The following INPP4B variants were observed in gnomAD, a reference collection of about 807,000 sequenced individuals.
INPP4B encodes the protein inositol polyphosphate 4-phosphatase type II.
Under a neutral mutation model 122.5 loss-of-function variants are expected in INPP4B, and 55 were observed. That is an observed-to-expected ratio of 0.45 (90% CI 0.36 to 0.56). The LOEUF (loss-of-function observed/expected upper bound fraction) is 0.56. Among genes scored for constraint, INPP4B ranks in the 20% least tolerant of loss-of-function variants. INPP4B has a pLI of 0.00. For missense variants in INPP4B, 1,000 were observed against 1,097.7 expected (o/e 0.91, Z 1.26); for synonymous variants, 403 against 388.7 (o/e 1.04, Z -0.43).
intron 2 of INPP4B, among the ~76,000 whole-genome samples, chr4:142,587,273 C>T (rs1354032950): frequency 1.3e-5 from 2 of 151,944 alleles, no homozygotes; most frequent in Admixed American, 1.3e-4. Flanking sequence ...TTTTATATCA[C>T]TGGTTTCCAT....
At chr4:142,594,458 G>A (rs1738226413) in intron 2 of INPP4B, among the ~76,000 whole-genome samples, 1 of 152,030 alleles carries the variant, frequency 6.6e-6, no homozygotes, top group Non-Finnish European at 1.5e-5. Flanking sequence ...TGGATATTAT[G>A]GTCAATTCCA....
intron 1 of INPP4B, among the ~76,000 whole-genome samples, chr4:142,806,549 C>T (rs1318510977): frequency 1.3e-5 from 2 of 151,308 alleles, no homozygotes; most frequent in African/African-American, 2.4e-5. Context: ...CAAGAGCAGC[C>T]GGGGACAAGT....
At chr4:142,331,147 T>C (rs1266741844) in intron 7 of INPP4B, among the ~76,000 whole-genome samples, 1 of 151,784 alleles carries the variant, frequency 6.6e-6, no homozygotes, top group Middle Eastern at 3.2e-3. Context: ...TTAAGAAGAG[T>C]GGTGTGCAGA....
chr4:142,606,111 G>T (rs1560856866), intron 2 of INPP4B, among the ~76,000 whole-genome samples: 1 of 151,918 alleles, frequency 6.6e-6, no homozygotes, highest in African/African-American at 2.4e-5. Flanking sequence ...GGATGGAACT[G>T]GAAGTCATTA....
chr4:142,436,694 C>T (rs935264306), intron 3 of INPP4B, among the ~76,000 whole-genome samples: 2 of 151,742 alleles, frequency 1.3e-5, no homozygotes, highest in Non-Finnish European at 2.9e-5. Context: ...GAAAAACAAA[C>T]AAATAAAGCA....
intron 12 of INPP4B, among the ~76,000 whole-genome samples, chr4:142,211,791 T>A (rs1304795427): frequency 6.6e-6 from 1 of 152,212 alleles, no homozygotes; most frequent in Non-Finnish European, 1.5e-5. Flanking sequence ...TGCCCCTTTG[T>A]GTAGCCACTG....
intron 9 of INPP4B, among the ~76,000 whole-genome samples, chr4:142,301,942 G>T (rs1761601432): frequency 6.6e-6 from 1 of 151,956 alleles, no homozygotes; most frequent in South Asian, 2.1e-4. Context: ...TCCACAGAGA[G>T]AATCAACTTT....
intron 1 of INPP4B, among the ~76,000 whole-genome samples, chr4:142,818,451 T>G (rs1780396428): frequency 6.6e-6 from 1 of 152,058 alleles, no homozygotes; most frequent in Non-Finnish European, 1.5e-5. Context: ...CGTGTGTGTG[T>G]GTGTGTGTGT....
At chr4:142,343,405 A>C (rs1477090502) in intron 7 of INPP4B, among the ~76,000 whole-genome samples, 1 of 151,994 alleles carries the variant, frequency 6.6e-6, no homozygotes, top group Non-Finnish European at 1.5e-5. Flanking sequence ...GAGTAGATAG[A>C]TATAGGGCAT....
chr4:142,554,199 A>AAAG (rs1728622391), intron 2 of INPP4B, among the ~76,000 whole-genome samples: 1 of 145,674 alleles, frequency 6.9e-6, no homozygotes, highest in Non-Finnish European at 1.5e-5. Context: ...AAAAAAAAAA[A>AAAG]AAAAAAGAAA....
intron 1 of INPP4B, among the ~76,000 whole-genome samples, chr4:142,784,364 AAAATAAAT>A (rs3080884): frequency 0.031 from 4,326 of 137,752 alleles, 84 homozygotes; most frequent in Non-Finnish European, 0.037. Context: ...CTCTGTCTCA[AAAATAAAT>A]AAATAAATAA....
chr4:142,814,858 TC>T (rs1224507038), intron 1 of INPP4B, among the ~76,000 whole-genome samples: 1 of 152,032 alleles, frequency 6.6e-6, no homozygotes, highest in East Asian at 1.9e-4. Context: ...GAGCATAAGT[TC>T]CCCCATTCCC....
At chr4:142,097,010 C>T (rs990551274) in intron 23 of INPP4B, among the ~76,000 whole-genome samples, 8 of 151,944 alleles carry the variant, frequency 5.3e-5, no homozygotes, top group African/African-American at 1.9e-4. Context: ...TCCTGGGGAA[C>T]ACTTATTTAA....
At chr4:142,132,653 C>T (rs1317664366) in intron 18 of INPP4B, among the ~76,000 whole-genome samples, 1 of 152,160 alleles carries the variant, frequency 6.6e-6, no homozygotes, top group Admixed American at 6.5e-5. Flanking sequence ...TGTTGGTACA[C>T]CAGATCTCAT....
At chr4:142,356,324 A>G (rs1783600772) in intron 7 of INPP4B, among the ~76,000 whole-genome samples, 1 of 150,666 alleles carries the variant, frequency 6.6e-6, no homozygotes, top group African/African-American at 2.4e-5. Context: ...CTGTGTAAGA[A>G]TGAGAATGTA....
In INPP4B at chr4:142,774,936, A is replaced by G. The variant is rs941744249; in HGVS notation, c.-253-49035T>C. Among the ~76,000 whole-genome samples the G allele has an allele frequency of 7.2e-5, 11 of 152,074 alleles. 1 individual carries two copies. Among genetic ancestry groups the G allele is most frequent in the African/African-American group, 2.7e-4 (11 of 41,376 alleles). ...AGTTTTTAATGTCCAGATTTCATCT[A>G]GCTATTTCATTAGGCTCCTCTTTAC... On this transcript the variant is annotated intron_variant, in intron 1 of 25. Transcript: ENST00000262992.
At chr4:142,318,499 T>C (rs1768704913) in intron 7 of INPP4B, among the ~76,000 whole-genome samples, 1 of 152,190 alleles carries the variant, frequency 6.6e-6, no homozygotes, top group Admixed American at 6.5e-5. Context: ...ATTTTCCCTT[T>C]TTTGGTCTTA....
chr4:142,804,284 G>T (rs1436588552), intron 1 of INPP4B, among the ~76,000 whole-genome samples: 39 of 151,990 alleles, frequency 2.6e-4, no homozygotes, highest in Admixed American at 2.6e-3. Context: ...TGGTAATACC[G>T]AAATTCTTAC....
At chr4:142,384,190 A>T in intron 7 of INPP4B, 1 of 698,922 alleles carries the variant, frequency 1.4e-6, no homozygotes. Flanking sequence ...ATTCCAGTAC[A>T]TGTGGGTTAA....
Sources: gnomAD v4.1 joint callset for allele counts (sites outside exome capture counted in the v4.1 genomes callset) on GRCh38, gnomAD v4.1.1 for gene constraint, MANE v1.5 for transcripts, NCBI Gene and HGNC (gene_info 2026-07-23, HGNC 2026-07-21) for gene names.